Variants in SLC22A23 observed in about 807,000 individuals in gnomAD.
SLC22A23 encodes the protein solute carrier family 22 member 23.
SLC22A23 carries 26 observed loss-of-function variants against 61.0 expected under a neutral mutation model. The observed-to-expected ratio is 0.43, with a 90% CI of 0.31 to 0.59. The LOEUF (loss-of-function observed/expected upper bound fraction) is 0.59. SLC22A23 is among the 20% of genes least tolerant of loss of function. The probability of loss-of-function intolerance (pLI) is 0.11; values close to 1 mark genes in which losing one functional copy is unlikely to be tolerated. For synonymous variants in SLC22A23, 430 were observed against 413.9 expected, an observed-to-expected ratio of 1.04 and a Z score of -0.47; for missense variants, 796 against 934.7, an observed-to-expected ratio of 0.85 and a Z score of 1.94.
At chr6:3,338,721 T>G (rs1443920701) in intron 3 of SLC22A23, among the ~76,000 whole-genome samples, 1 of 152,254 alleles carries the variant, frequency 6.6e-6, no homozygotes, top group East Asian at 1.9e-4. Flanking sequence ...TTTTACCACT[T>G]CATAATTATG....
At chr6:3,380,570 C>T (rs1174126333) in intron 3 of SLC22A23, among the ~76,000 whole-genome samples, 1 of 152,036 alleles carries the variant, frequency 6.6e-6, no homozygotes, top group Non-Finnish European at 1.5e-5. Context: ...TTCCTATTTA[C>T]TCTCTACAAA....
At chr6:3,323,770 G>A in intron 4 of SLC22A23, 64 bp downstream of exon 4, 1 of 1,530,058 alleles carries the variant, frequency 6.5e-7, no homozygotes, top group Non-Finnish European at 8.8e-7. Flanking sequence ...TCCTGCCCGG[G>A]GCCGGGCCTT....
intron 1 of SLC22A23, among the ~76,000 whole-genome samples, chr6:3,444,213 C>T (rs1041789738): frequency 6.6e-6 from 1 of 152,098 alleles, no homozygotes; most frequent in African/African-American, 2.4e-5. Flanking sequence ...CAAATAGGTC[C>T]CTGTCAATCT....
intron 7 of SLC22A23, 118 bp from the exon 8 acceptor site, chr6:3,285,229 C>A: frequency 2.9e-6 from 4 of 1,397,700 alleles, no homozygotes; most frequent in Non-Finnish European, 3.9e-6. Context: ...TTGGTTCAAG[C>A]AAACTCCCTT....
intron 9 of SLC22A23, among the ~76,000 whole-genome samples, chr6:3,281,969 G>T (rs572640629): frequency 2.6e-5 from 4 of 152,294 alleles, no homozygotes; most frequent in African/African-American, 9.6e-5. Flanking sequence ...TTCCAGGTTT[G>T]CGTCAAAGAG....
At chr6:3,331,682 T>C (rs891023875) in intron 3 of SLC22A23, among the ~76,000 whole-genome samples, 1 of 152,230 alleles carries the variant, frequency 6.6e-6, no homozygotes, top group Non-Finnish European at 1.5e-5. Flanking sequence ...ATTTGAATGC[T>C]CAGCAATCTC....
intron 1 of SLC22A23, among the ~76,000 whole-genome samples, chr6:3,438,958 G>C (rs1045904750): frequency 1.3e-5 from 2 of 152,236 alleles, no homozygotes; most frequent in East Asian, 3.8e-4. Context: ...AAGAGCAGAG[G>C]TCCCACTGTC....
intron 2 of SLC22A23, among the ~76,000 whole-genome samples, chr6:3,415,488 A>T (rs1294381255): frequency 6.6e-6 from 1 of 152,242 alleles, no homozygotes; most frequent in Admixed American, 6.5e-5. Flanking sequence ...GTCAAAGGTT[A>T]GAAGTAGATG....
rs1454309809 is a variant in SLC22A23, at chr6:3,297,276, T to C, written c.1210+815A>G. Among the ~76,000 whole-genome samples, 1 of 152,240 alleles carries C rather than the reference T, an allele frequency of 6.6e-6. No homozygotes were observed. The highest frequency in any genetic ancestry group is 2.1e-4 in the South Asian group (1 of 4,832). ...GGGGGAAAATGAGCATATTCTCTCT[T>C]GGACGATGGCCTGGAGGTTATTTTC... On this transcript the variant is annotated intron_variant, in intron 5 of 9. Coordinates refer to ENST00000406686, the MANE Select transcript of SLC22A23 (RefSeq NM_015482.2). The surrounding 1 kb of genome is among the most constrained non-coding windows in gnomAD (Gnocchi z 4.3).
chr6:3,279,603 G>T (rs1308542190), intron 9 of SLC22A23, among the ~76,000 whole-genome samples: 5 of 138,240 alleles, frequency 3.6e-5, no homozygotes, highest in Non-Finnish European at 7.9e-5. Flanking sequence ...TTTTGGCTTT[G>T]TTTTTTTTTC....
At chr6:3,373,027 T>C (rs767001923) in intron 3 of SLC22A23, among the ~76,000 whole-genome samples, 2 of 152,200 alleles carry the variant, frequency 1.3e-5, no homozygotes, top group African/African-American at 4.8e-5. Flanking sequence ...TTGGCTGGCA[T>C]CTGGGAAGTT....
intron 3 of SLC22A23, among the ~76,000 whole-genome samples, chr6:3,375,275 A>G (rs1766489215): frequency 6.6e-6 from 1 of 152,246 alleles, no homozygotes. Context: ...CAGTACTCCC[A>G]GATTCAAAGC....
At chr6:3,433,432 C>A (rs1271356283) in intron 1 of SLC22A23, among the ~76,000 whole-genome samples, 1 of 152,126 alleles carries the variant, frequency 6.6e-6, no homozygotes, top group Non-Finnish European at 1.5e-5. Context: ...TCCCCACACT[C>A]CTCCCATCAC....
chr6:3,364,297 A>T (rs947430388), intron 3 of SLC22A23, among the ~76,000 whole-genome samples: 4 of 152,194 alleles, frequency 2.6e-5, no homozygotes, highest in Admixed American at 2.6e-4. Flanking sequence ...GGTAAGATGT[A>T]ATAGGCACAA....
In SLC22A23 at chr6:3,456,682, G is replaced by C. The variant is rs1221562970; in HGVS notation, c.-123C>G. 4 of 603,940 alleles carry C rather than the reference G, an allele frequency of 6.6e-6. No homozygotes were observed. Among genetic ancestry groups the C allele is most frequent in the Non-Finnish European group, 6.2e-6 (3 of 484,116 alleles). The allele number at this position is 603,940 out of a possible 1,614,324, so 37.4% of individuals were successfully genotyped here. ...TGCCGCCGAGGAGGGCCCGCGGCTC[G>C]AGAGAGAGCGCTCGGCGGCTCCGGG... On this transcript the variant is annotated 5_prime_UTR_variant, in exon 1 of 10. Coordinates refer to ENST00000406686, the MANE Select transcript of SLC22A23 (RefSeq NM_015482.2). This position sits in a 1 kb window ranked among gnomAD's most constrained non-coding sequence, Gnocchi z 7.1.
intron 3 of SLC22A23, among the ~76,000 whole-genome samples, chr6:3,373,637 A>G (rs1246009222): frequency 2.0e-5 from 3 of 152,210 alleles, no homozygotes; most frequent in African/African-American, 4.8e-5. Flanking sequence ...AGAAGAAGAA[A>G]AAAAAGAAAG....
At chr6:3,305,869 C>CA in intron 4 of SLC22A23, among the ~76,000 whole-genome samples, 1 of 152,192 alleles carries the variant, frequency 6.6e-6, no homozygotes, top group East Asian at 1.9e-4. Flanking sequence ...AGTTGGCTCT[C>CA]AGAGTGGCTG....
intron 1 of SLC22A23, among the ~76,000 whole-genome samples, 180 bp downstream of exon 1, chr6:3,455,726 C>T (rs191732091): frequency 1.3e-5 from 2 of 152,202 alleles, no homozygotes; most frequent in Admixed American, 1.3e-4. Context: ...CTATGGTGCT[C>T]CCTTTACACC....
chr6:3,368,162 A>G (rs151267505), intron 3 of SLC22A23, among the ~76,000 whole-genome samples: 4 of 152,316 alleles, frequency 2.6e-5, no homozygotes, highest in Non-Finnish European at 4.4e-5. Context: ...TTGGTCCTAC[A>G]TGACAAAGGG....
Sources: gnomAD v4.1 joint callset for allele counts (sites outside exome capture counted in the v4.1 genomes callset) on GRCh38, gnomAD v4.1.1 for gene constraint, Gnocchi (gnomAD v3.1) non-coding constraint, MANE v1.5 for transcripts, NCBI Gene and HGNC (gene_info 2026-07-23, HGNC 2026-07-21) for gene names.